The following SS18L1 variants were observed in gnomAD, a reference collection of about 807,000 sequenced individuals.
SS18L1 encodes the protein SS18L1 subunit of BAF chromatin remodeling complex, also known as calcium-responsive transactivator.
Under a neutral mutation model 70.3 loss-of-function variants are expected in SS18L1, and 32 were observed. That is an observed-to-expected ratio of 0.46 (90% CI 0.34 to 0.61). The LOEUF (loss-of-function observed/expected upper bound fraction) is 0.61, where lower values mean the gene tolerates loss of function less well. Among genes scored for constraint, SS18L1 ranks in the 20% least tolerant of loss-of-function variants. The pLI, the probability that SS18L1 is intolerant of heterozygous loss-of-function variation, is 0.01. For synonymous variants in SS18L1, 237 were observed against 229.7 expected, an observed-to-expected ratio of 1.03 and a Z score of -0.29; for missense variants, 430 against 542.1, an observed-to-expected ratio of 0.79 and a Z score of 2.05.
At chr20:62,178,397 C>G (rs1253933685) in intron 10 of SS18L1, among the ~76,000 whole-genome samples, 1 of 151,470 alleles carries the variant, frequency 6.6e-6, no homozygotes. Flanking sequence ...AAATGATCCA[C>G]CCACCTCGGC....
chr20:62,170,667 G>A (rs1259767332), intron 8 of SS18L1, among the ~76,000 whole-genome samples: 1 of 152,240 alleles, frequency 6.6e-6, no homozygotes, highest in Non-Finnish European at 1.5e-5. Context: ...TTCCACAGAT[G>A]TCGTGCCCCC....
rs190338227 is a variant in SS18L1 at position 62,175,076 on chromosome 20, G to A, written c.1164+432G>A. Among the ~76,000 whole-genome samples the A allele has an allele frequency of 1.4e-4, 21 of 152,344 alleles. No individual in the cohort carries two copies. In the East Asian group the frequency reaches 3.3e-3, roughly 24 times the overall value. On this transcript the variant is annotated intron_variant, in intron 10 of 10. Transcript: ENST00000331758. ...GAGCGGGGGGCCCCAAATGGAGCCC[G>A]CCTTCCAGATGGGGGCGCAGGCGAC...
chr20:62,147,014 A>C (rs2057043199), intron 1 of SS18L1, among the ~76,000 whole-genome samples: 1 of 152,068 alleles, frequency 6.6e-6, no homozygotes, highest in South Asian at 2.1e-4. Context: ...TCATTTTCAA[A>C]TACCTCATTT....
At chr20:62,165,544 AG>A (rs759947299) in intron 8 of SS18L1, 30 bp downstream of exon 8, 3 of 1,275,688 alleles carry the variant, frequency 2.4e-6, no homozygotes, top group East Asian at 6.2e-5. Flanking sequence ...GCTGGGCTCG[AG>A]CGTAAGCGCC....
Position 62,179,251 on chromosome 20 carries a change from T to C in SS18L1, c.*43T>C. 2 of 1,613,272 alleles carry C rather than the reference T, an allele frequency of 1.2e-6. No homozygotes were observed. The highest frequency in any genetic ancestry group is 1.7e-6 in the Non-Finnish European group (2 of 1,179,258). ...TGGAGCCCTTGTGGTAGCGTGTTCA[T>C]CCAGGGGCCGGATGGGCTGGCGGCA... On this transcript the variant is annotated 3_prime_UTR_variant, in exon 11 of 11. Transcript: ENST00000331758.
chr20:62,158,626 A>G lies in SS18L1; in HGVS notation c.70-46A>G, dbSNP rs1337444172. On this transcript the variant is annotated intron_variant, in intron 1 of 10. Coordinates refer to ENST00000331758, the MANE Select transcript of SS18L1 (RefSeq NM_198935.3). The surrounding 1 kb of genome is among the most constrained non-coding windows in gnomAD (Gnocchi z 4.5). ...GCGATGGCTGTTCATCCCGAGGGTCAGCGACAGCCCCGCGTCGGCAGCGCC... is the reference window on the plus strand; with the variant it reads ...GCGATGGCTGTTCATCCCGAGGGTCGGCGACAGCCCCGCGTCGGCAGCGCC... The G allele has an allele frequency of 2.5e-6, 4 of 1,602,130 alleles. No homozygotes were observed. In the African/African-American group the frequency reaches 4.0e-5, roughly 16 times the overall value.
chr20:62,164,389 C>A, intron 7 of SS18L1, 143 bp downstream of exon 7: 1 of 879,752 alleles, frequency 1.1e-6, no homozygotes, highest in Non-Finnish European at 1.7e-6. Context: ...GGCAGAGTGG[C>A]CAGACGCCCT....
At chr20:62,167,774 G>A (rs971319252) in intron 8 of SS18L1, among the ~76,000 whole-genome samples, 1 of 151,974 alleles carries the variant, frequency 6.6e-6, no homozygotes, top group African/African-American at 2.4e-5. Context: ...AAAAACAAAC[G>A]CAGGATGTGC....
At chr20:62,156,959 G>T (rs1474662995) in intron 1 of SS18L1, among the ~76,000 whole-genome samples, 1 of 152,250 alleles carries the variant, frequency 6.6e-6, no homozygotes, top group Non-Finnish European at 1.5e-5. Flanking sequence ...AGCAGGCGTG[G>T]TGGGCTCAGT....
chr20:62,167,061 T>TTTTTTTG (rs2057448597), intron 8 of SS18L1, among the ~76,000 whole-genome samples: 1 of 141,572 alleles, frequency 7.1e-6, no homozygotes, highest in Non-Finnish European at 1.5e-5. Flanking sequence ...TTTTTTTTTT[T>TTTTTTTG]TTGAGACGGA....
chr20:62,162,468 ATTT>A, intron 4 of SS18L1: 1 of 314,856 alleles, frequency 3.2e-6, no homozygotes, highest in Non-Finnish European at 5.9e-6. Context: ...CACCTGGCTA[ATTT>A]TTTTGTATTT....
intron 5 of SS18L1, among the ~76,000 whole-genome samples, chr20:62,163,149 A>G (rs1196026643): frequency 1.3e-5 from 2 of 152,058 alleles, no homozygotes; most frequent in Non-Finnish European, 1.5e-5. Flanking sequence ...CAGCTTTGCG[A>G]GGGGCTGGGG....
At chr20:62,147,716 C>T (rs1478172734) in intron 1 of SS18L1, among the ~76,000 whole-genome samples, 3 of 151,946 alleles carry the variant, frequency 2.0e-5, no homozygotes, top group Non-Finnish European at 2.9e-5. Context: ...CCCCTGGGGC[C>T]GCCTGCTGGG....
At position 62,182,272 on chromosome 20, in the gene SS18L1, T is replaced by C. The variant is rs2057724029; in HGVS notation, c.*3064T>C. The C allele has an allele frequency of 1.4e-5, 3 of 218,288 alleles. No individual in the cohort carries two copies. The highest frequency in any genetic ancestry group is 5.8e-5 in the Admixed American group (1 of 17,218). The allele number at this position is 218,288 out of a possible 1,614,324, so 13.5% of individuals were successfully genotyped here. A position where few individuals can be genotyped will look rare whatever the true frequency, so the allele number is the denominator to read the frequency against. The stretch of plus-strand genomic sequence containing the variant: ...TGAATAGGGGGCACCCCTTCAAAAC[T>C]GTACAAAGAAGACGACTGTTTTCCA... On this transcript the variant is annotated 3_prime_UTR_variant, in exon 11 of 11. Coordinates refer to ENST00000331758, the MANE Select transcript of SS18L1 (RefSeq NM_198935.3).
intron 1 of SS18L1, among the ~76,000 whole-genome samples, chr20:62,153,529 G>A (rs754847387): frequency 5.9e-5 from 9 of 152,002 alleles, no homozygotes; most frequent in African/African-American, 1.7e-4. Flanking sequence ...ACTCATACCC[G>A]TCAGAGTGGC....
At chr20:62,176,662 A>G (rs575640831) in intron 10 of SS18L1, among the ~76,000 whole-genome samples, 6 of 152,244 alleles carry the variant, frequency 3.9e-5, no homozygotes, top group African/African-American at 1.2e-4. Flanking sequence ...TAAAAATACA[A>G]AAATTAGCCG....
chr20:62,179,591 G>A lies in SS18L1; in HGVS notation c.*383G>A, dbSNP rs112671125. 1.3e-4 allele frequency: 41 copies of A among 304,504 alleles called. No individual in the cohort carries two copies. Among genetic ancestry groups the A allele is most frequent in the Middle Eastern group, 9.5e-4 (1 of 1,050 alleles). The allele number at this position is 304,504 out of a possible 1,614,324, so 18.9% of individuals were successfully genotyped here. On this transcript the variant is annotated 3_prime_UTR_variant, in exon 11 of 11. Coordinates refer to ENST00000331758, the MANE Select transcript of SS18L1 (RefSeq NM_198935.3). ...AGTCCACCTGTTCCCGTCAACAGAC[G>A]TTAGGTCTCATTTTCCTCCTCATGC...
Position 62,144,514 on chromosome 20 carries a change from G to A in SS18L1, c.69+625G>A, listed in dbSNP as rs148438302. On this transcript the variant is annotated intron_variant, in intron 1 of 10. Coordinates refer to ENST00000331758, the MANE Select transcript of SS18L1 (RefSeq NM_198935.3). ...TTTGCGGGGCATCGTTACGCAGCCC[G>A]GCCCCGTAGGGAGCGCACCGCCCCC... Among the ~76,000 whole-genome samples, 1,474 of 152,330 alleles carry A rather than the reference G, an allele frequency of 9.7e-3. 23 individuals carry two copies. Among genetic ancestry groups the A allele is most frequent in the African/African-American group, 0.033 (1,369 of 41,584 alleles).
chr20:62,166,295 C>G (rs116298635), intron 8 of SS18L1, among the ~76,000 whole-genome samples: 9 of 152,178 alleles, frequency 5.9e-5, no homozygotes, highest in African/African-American at 1.9e-4. Flanking sequence ...TGACGCTGAC[C>G]GGCAGGCAGC....
Sources: gnomAD v4.1 joint callset for allele counts (sites outside exome capture counted in the v4.1 genomes callset) on GRCh38, gnomAD v4.1.1 for gene constraint, Gnocchi (gnomAD v3.1) non-coding constraint, MANE v1.5 for transcripts, NCBI Gene and HGNC (gene_info 2026-07-23, HGNC 2026-07-21) for gene names.